The following OSBPL1A variants were observed in gnomAD, a reference collection of about 807,000 sequenced individuals.
The protein encoded by OSBPL1A is oxysterol binding protein like 1A.
Under a neutral mutation model 137.1 loss-of-function variants are expected in OSBPL1A, and 80 were observed. The observed-to-expected ratio is 0.58, with a 90% CI of 0.49 to 0.70. The LOEUF is 0.70. OSBPL1A is among the 30% of genes least tolerant of loss of function. OSBPL1A has a pLI of 0.00. For synonymous variants in OSBPL1A, 365 were observed against 389.7 expected, an observed-to-expected ratio of 0.94 and a Z score of 0.75; for missense variants, 970 against 1,129.4, an observed-to-expected ratio of 0.86 and a Z score of 2.02.
intron 17 of OSBPL1A, among the ~76,000 whole-genome samples, chr18:24,223,950 T>C (rs2087978041): frequency 6.6e-6 from 1 of 152,180 alleles, no homozygotes; most frequent in Non-Finnish European, 1.5e-5. Context: ...TTTCATGTCT[T>C]AAATAGAATT....
chr18:24,241,261 C>A (rs2088680890), intron 15 of OSBPL1A, among the ~76,000 whole-genome samples: 1 of 152,084 alleles, frequency 6.6e-6, no homozygotes, highest in African/African-American at 2.4e-5. Flanking sequence ...GCAACAAAAG[C>A]CAAAATGGAC....
rs560444083 is a variant in OSBPL1A, at chr18:24,207,138, C to T, written c.1602-10938G>A. Among the ~76,000 whole-genome samples the T allele has an allele frequency of 1.1e-4, 17 of 152,334 alleles. 1 individual carries two copies. The East Asian group carries it at 3.1e-3, about 28-fold the overall frequency. On this transcript the variant is annotated intron_variant, in intron 17 of 27. Coordinates refer to ENST00000319481, the MANE Select transcript of OSBPL1A (RefSeq NM_080597.4). ...TTGCTCTGTCACCCAGGCTGGAGTG[C>T]AGCGGTGCGATCTTGGCTCATGGCA...
At chr18:24,344,434 C>A (rs2091314171) in intron 4 of OSBPL1A, among the ~76,000 whole-genome samples, 2 of 152,130 alleles carry the variant, frequency 1.3e-5, no homozygotes, top group South Asian at 4.2e-4. Flanking sequence ...GTCTGGGCAA[C>A]AGAGCAAGAT....
intron 14 of OSBPL1A, among the ~76,000 whole-genome samples, chr18:24,293,221 G>C (rs1256386136): frequency 6.6e-6 from 1 of 152,020 alleles, no homozygotes; most frequent in Admixed American, 6.6e-5. Flanking sequence ...ACAGAGACTG[G>C]CGTGCGGGAC....
chr18:24,218,734 C>T (rs1318792606), intron 17 of OSBPL1A, among the ~76,000 whole-genome samples: 1 of 152,156 alleles, frequency 6.6e-6, no homozygotes, highest in African/African-American at 2.4e-5. Flanking sequence ...GCGTGAGCCA[C>T]TGCGCCTGGC....
At position 24,237,420 on chromosome 18, in the gene OSBPL1A, G is replaced by T. The variant is rs112642489; in HGVS notation, c.1444+1800C>A. Among the ~76,000 whole-genome samples, 487 of 152,012 alleles carry T rather than the reference G, an allele frequency of 3.2e-3. 2 individuals carry two copies. The highest frequency in any genetic ancestry group is 0.011 in the African/African-American group (475 of 41,470). ...CCTGGGCTTAAGCGATCCTCCCACC[G>T]CAGCCTTCTGAGCAGCTGGGATTAC... On this transcript the variant is annotated intron_variant, in intron 16 of 27. Transcript: ENST00000319481.
intron 13 of OSBPL1A, among the ~76,000 whole-genome samples, chr18:24,305,931 C>T (rs1445206335): frequency 6.6e-6 from 1 of 152,158 alleles, no homozygotes; most frequent in African/African-American, 2.4e-5. Context: ...GAGGCCTCTC[C>T]AGCCATGTGG....
chr18:24,179,379 A>T (rs1486885238), intron 20 of OSBPL1A: 1 of 216,344 alleles, frequency 4.6e-6, no homozygotes, highest in Non-Finnish European at 9.3e-6. Context: ...AACATGGCAC[A>T]TGTATAGATA....
At chr18:24,350,185 T>A (rs1431083280) in intron 4 of OSBPL1A, among the ~76,000 whole-genome samples, 1 of 152,190 alleles carries the variant, frequency 6.6e-6, no homozygotes, top group Non-Finnish European at 1.5e-5. Context: ...AGAAGTCTCA[T>A]ATAACAGCCT....
At chr18:24,195,089 A>G (rs1434794362) in intron 18 of OSBPL1A, among the ~76,000 whole-genome samples, 1 of 152,104 alleles carries the variant, frequency 6.6e-6, no homozygotes, top group Non-Finnish European at 1.5e-5. Context: ...GCTTGAGCCC[A>G]GGAGTTCGAG....
chr18:24,274,802 A>G (rs2089808293), intron 15 of OSBPL1A, among the ~76,000 whole-genome samples: 2 of 151,958 alleles, frequency 1.3e-5, no homozygotes, highest in Non-Finnish European at 2.9e-5. Flanking sequence ...CCAGCTACTC[A>G]GGAGGGTGAG....
intron 13 of OSBPL1A, among the ~76,000 whole-genome samples, chr18:24,309,914 T>G (rs1385681678): frequency 2.6e-5 from 4 of 151,572 alleles, no homozygotes; most frequent in Admixed American, 2.6e-4. Context: ...GGGCATGGTG[T>G]TGTGTGCCTG....
intron 4 of OSBPL1A, among the ~76,000 whole-genome samples, chr18:24,348,664 C>G (rs892182990): frequency 6.6e-6 from 1 of 151,960 alleles, no homozygotes; most frequent in Non-Finnish European, 1.5e-5. Flanking sequence ...ATCCCAGCTA[C>G]TTGGGAAGCT....
At chr18:24,207,892 T>C (rs2087421176) in intron 17 of OSBPL1A, among the ~76,000 whole-genome samples, 1 of 152,126 alleles carries the variant, frequency 6.6e-6, no homozygotes, top group Admixed American at 6.5e-5. Context: ...ACTACAAGCG[T>C]GTGTTACAAC....
At chr18:24,262,497 C>T (rs1329911288) in intron 15 of OSBPL1A, among the ~76,000 whole-genome samples, 1 of 151,956 alleles carries the variant, frequency 6.6e-6, no homozygotes, top group African/African-American at 2.4e-5. Context: ...TATTCAGGGG[C>T]TCTGCAATTG....
intron 15 of OSBPL1A, among the ~76,000 whole-genome samples, chr18:24,256,939 G>A (rs908980720): frequency 6.3e-4 from 55 of 86,754 alleles, no homozygotes; most frequent in African/African-American, 2.2e-3. Context: ...ACTATAAAAC[G>A]CTGATGAAAG....
chr18:24,178,497 T>TG (rs2086515585), intron 20 of OSBPL1A, among the ~76,000 whole-genome samples: 1 of 152,086 alleles, frequency 6.6e-6, no homozygotes, highest in African/African-American at 2.4e-5. Context: ...TTCATCATGT[T>TG]GGCCAGGTTG....
At chr18:24,253,222 A>G (rs988089071) in intron 15 of OSBPL1A, among the ~76,000 whole-genome samples, 1 of 150,874 alleles carries the variant, frequency 6.6e-6, no homozygotes, top group Non-Finnish European at 1.5e-5. Flanking sequence ...TGTTGCCTAC[A>G]GGAAATGCAT....
intron 15 of OSBPL1A, among the ~76,000 whole-genome samples, chr18:24,259,070 G>A (rs1276727733): frequency 6.6e-6 from 1 of 151,512 alleles, no homozygotes; most frequent in Non-Finnish European, 1.5e-5. Context: ...CCCGAGTAGT[G>A]GGACTACGCC....
Sources: gnomAD v4.1 joint callset for allele counts (sites outside exome capture counted in the v4.1 genomes callset) on GRCh38, gnomAD v4.1.1 for gene constraint, MANE v1.5 for transcripts, NCBI Gene and HGNC (gene_info 2026-07-23, HGNC 2026-07-21) for gene names.